The following ZBTB5 variants were observed in gnomAD, a reference collection of about 807,000 sequenced individuals.
ZBTB5 encodes the protein zinc finger and BTB domain containing 5.
A neutral mutation model predicts 37.9 loss-of-function variants in ZBTB5; 15 were observed. The observed-to-expected ratio is 0.40, with a 90% confidence interval of 0.26 to 0.61. The LOEUF (loss-of-function observed/expected upper bound fraction) is 0.61. Among genes scored for constraint, ZBTB5 ranks in the 20% least tolerant of loss-of-function variants. The probability of loss-of-function intolerance (pLI) is 0.47; values close to 1 mark genes in which losing one functional copy is unlikely to be tolerated. For missense variants in ZBTB5, 708 were observed against 856.8 expected, an observed-to-expected ratio of 0.83 and a Z score of 2.17; for synonymous variants, 315 against 312.4, an observed-to-expected ratio of 1.01 and a Z score of -0.09.
At chr9:37,463,713 A>G (rs918579592) in intron 1 of ZBTB5, among the ~76,000 whole-genome samples, 2 of 152,138 alleles carry the variant, frequency 1.3e-5, no homozygotes, top group African/African-American at 4.8e-5. Flanking sequence ...AAATCTTACC[A>G]TTTTCAGAAT....
At chr9:37,452,081 A>G (rs1476988278) in intron 1 of ZBTB5, among the ~76,000 whole-genome samples, 1 of 152,178 alleles carries the variant, frequency 6.6e-6, no homozygotes, top group African/African-American at 2.4e-5. Flanking sequence ...TTTTACAAGA[A>G]CAGTTTAGCT....
At chr9:37,463,290 C>A (rs1021449005) in intron 1 of ZBTB5, among the ~76,000 whole-genome samples, 1 of 152,118 alleles carries the variant, frequency 6.6e-6, no homozygotes, top group African/African-American at 2.4e-5. Flanking sequence ...TTCCATCCCA[C>A]CTGCTACACT....
chr9:37,461,083 G>A (rs2118961896), intron 1 of ZBTB5, among the ~76,000 whole-genome samples: 1 of 152,234 alleles, frequency 6.6e-6, no homozygotes, highest in Admixed American at 6.5e-5. Flanking sequence ...CTCAGCAAGT[G>A]ACCTTCACTT....
At chr9:37,459,179 G>A (rs1824243476) in intron 1 of ZBTB5, among the ~76,000 whole-genome samples, 1 of 152,198 alleles carries the variant, frequency 6.6e-6, no homozygotes, top group Non-Finnish European at 1.5e-5. Context: ...GCATGGGCAT[G>A]CCAGCCCCTG....
rs1307975224 is a variant in ZBTB5, at chr9:37,440,367, A to G, written c.*151T>C. 2.3e-5 allele frequency: 15 copies of G among 648,640 alleles called. No homozygotes were observed. Among genetic ancestry groups the G allele is most frequent in the Non-Finnish European group, 3.1e-5 (12 of 381,924 alleles). The allele number at this position is 648,640 out of a possible 1,614,324, so 40.2% of individuals were successfully genotyped here. ...CTTCACTCAGAAATGCAGCAGCACA[A>G]ATACTACATGTTAGTTCTCCGGTTA... On this transcript the variant is annotated 3_prime_UTR_variant, in exon 2 of 2. Coordinates refer to ENST00000307750, the MANE Select transcript of ZBTB5 (RefSeq NM_014872.3).
chr9:37,451,058 T>C (rs980697809), intron 1 of ZBTB5, among the ~76,000 whole-genome samples: 15 of 151,890 alleles, frequency 9.9e-5, no homozygotes, highest in African/African-American at 2.7e-4. Flanking sequence ...TGCACACCTA[T>C]AGTACCAGCT....
intron 1 of ZBTB5, among the ~76,000 whole-genome samples, chr9:37,456,153 G>A (rs1297180227): frequency 6.6e-6 from 1 of 151,810 alleles, no homozygotes; most frequent in Non-Finnish European, 1.5e-5. Context: ...GTTTTGCCAT[G>A]TTGCCCAGGC....
chr9:37,446,652 C>T (rs926233960), intron 1 of ZBTB5, among the ~76,000 whole-genome samples: 1 of 152,266 alleles, frequency 6.6e-6, no homozygotes, highest in Middle Eastern at 3.4e-3. Flanking sequence ...CCAAGCTTTC[C>T]GGCAGAAAGC....
chr9:37,447,012 C>A (rs904600979), intron 1 of ZBTB5, among the ~76,000 whole-genome samples: 1 of 152,220 alleles, frequency 6.6e-6, no homozygotes, highest in African/African-American at 2.4e-5. Context: ...AGCGTTACTG[C>A]TTTCTCTCCT....
chr9:37,442,209 A>G lies in ZBTB5; in HGVS notation c.343T>C (p.Cys115Arg), dbSNP rs1823898674. The change falls in exon 2 of 2, where the codon TGT becomes CGT. Residue 115 changes from cysteine (C) to arginine (R), a missense_variant. Coordinates refer to ENST00000307750, the MANE Select transcript of ZBTB5 (RefSeq NM_014872.3). ...GTCCTTGTCGTTAAGTAATGTTTAC[A>G]TGCCTTAACAACAGAGTTCAAATGC... ...HLHLNSVVKA[C>R]KHYLTTRTLP... is the part of the protein sequence containing the mutation. The G allele has an allele frequency of 6.2e-7, 1 of 1,614,128 alleles. No individual in the cohort carries two copies. The highest frequency in any genetic ancestry group is 1.3e-5 in the African/African-American group (1 of 74,936).
intron 1 of ZBTB5, among the ~76,000 whole-genome samples, chr9:37,456,646 C>T (rs1230617867): frequency 2.0e-5 from 3 of 152,184 alleles, no homozygotes; most frequent in Non-Finnish European, 4.4e-5. Flanking sequence ...CTCTGTAACT[C>T]AGTTTGAATA....
intron 1 of ZBTB5, among the ~76,000 whole-genome samples, chr9:37,459,962 G>A (rs1824260679): frequency 1.4e-5 from 2 of 148,070 alleles, no homozygotes; most frequent in African/African-American, 2.5e-5. Context: ...TGTCCGTCTC[G>A]GCCTCCCAAA....
chr9:37,462,562 GTTTT>G (rs372165548), intron 1 of ZBTB5, among the ~76,000 whole-genome samples: 1 of 132,462 alleles, frequency 7.5e-6, no homozygotes, highest in Non-Finnish European at 1.6e-5. Context: ...TGCTTTAACC[GTTTT>G]TTTTTTTTTT....
chr9:37,442,382 T>A lies in ZBTB5; in HGVS notation c.170A>T (p.Glu57Val). Reference protein sequence around the residue: ...THFRALFSVAEGDQTMNMIQL... With the variant: ...THFRALFSVAVGDQTMNMIQL... ...GATCATGTTCATGGTCTGATCTCCT[T>A]CTGCCACTGAGAACAGGGCTCGGAA... The change falls in exon 2 of 2, where the codon GAA becomes GTA. Residue 57 changes from glutamate (E) to valine (V), a missense_variant. Transcript: ENST00000307750. The A allele has an allele frequency of 6.2e-7, 1 of 1,614,148 alleles. No homozygotes were observed. Among genetic ancestry groups the A allele is most frequent in the South Asian group, 1.1e-5 (1 of 91,068 alleles).
chr9:37,442,627 GA>G, intron 1 of ZBTB5, 72 bp from the exon 2 acceptor site: 2 of 1,257,742 alleles, frequency 1.6e-6, no homozygotes, highest in South Asian at 1.5e-5. Context: ...AGGGTATGAT[GA>G]AAAGAGTGGA....
chr9:37,459,592 T>TA, intron 1 of ZBTB5, among the ~76,000 whole-genome samples: 1 of 151,918 alleles, frequency 6.6e-6, no homozygotes, highest in African/African-American at 2.4e-5. Context: ...CTCACTCTGT[T>TA]ACCCAGGCTG....
At chr9:37,453,686 GACGGAGGATCCAGGGAGACCCAGTCA>G (rs1201656709) in intron 1 of ZBTB5, among the ~76,000 whole-genome samples, 1 of 152,166 alleles carries the variant, frequency 6.6e-6, no homozygotes, top group Non-Finnish European at 1.5e-5. Context: ...TTTACCAGGA[GACGGAGGATCCAGGGAGACCCAGTCA>G]ACTTGGTACC....
chr9:37,460,442 C>A (rs1009293357), intron 1 of ZBTB5, among the ~76,000 whole-genome samples: 42 of 151,456 alleles, frequency 2.8e-4, no homozygotes, highest in Admixed American at 1.2e-3. Flanking sequence ...ACTCCCCCCC[C>A]AAAAAAATTA....
intron 1 of ZBTB5, among the ~76,000 whole-genome samples, chr9:37,449,038 G>A (rs1463613138): frequency 4.0e-5 from 6 of 151,700 alleles, no homozygotes; most frequent in South Asian, 2.1e-4. Flanking sequence ...GCGAGACTCC[G>A]TTTCAAAATA....
Sources: allele counts gnomAD v4.1 joint callset (sites outside exome capture counted in the v4.1 genomes callset), GRCh38; gene constraint gnomAD v4.1.1; transcripts MANE v1.5; gene names NCBI Gene and HGNC (gene_info 2026-07-23, HGNC 2026-07-21).